The following KAZN variants were observed in gnomAD, a reference collection of about 807,000 sequenced individuals.
The protein encoded by KAZN is kazrin, periplakin interacting protein, also known as kazrin.
In KAZN, 40 loss-of-function variants were observed where a neutral mutation model predicts 87.4. The observed-to-expected ratio is 0.46, with a 90% CI of 0.36 to 0.60. The LOEUF is 0.60. Among genes scored for constraint, KAZN ranks in the 20% least tolerant of loss-of-function variants. KAZN has a pLI of 0.00. For synonymous variants in KAZN, 466 were observed against 458.3 expected (o/e 1.02, Z -0.22); for missense variants, 898 against 1,073.9 (o/e 0.84, Z 2.29).
intron 2 of KAZN, among the ~76,000 whole-genome samples, chr1:14,503,300 C>T (rs887530344): frequency 7.5e-5 from 11 of 147,600 alleles, no homozygotes; most frequent in African/African-American, 2.3e-4. Flanking sequence ...TGGCTAACAA[C>T]GGTGAAACCC....
intron 1 of KAZN, among the ~76,000 whole-genome samples, chr1:14,631,068 C>T (rs938298065): frequency 1.3e-5 from 2 of 152,158 alleles, no homozygotes; most frequent in African/African-American, 4.8e-5. Context: ...GACTCTTAGG[C>T]TGAGAGGTTC....
At chr1:14,893,211 C>A (rs538605641) in intron 1 of KAZN, among the ~76,000 whole-genome samples, 1 of 151,882 alleles carries the variant, frequency 6.6e-6, no homozygotes, top group Non-Finnish European at 1.5e-5. Context: ...ACTAAAAATG[C>A]GAAATGTAGC....
intron 1 of KAZN, among the ~76,000 whole-genome samples, chr1:14,018,718 G>A (rs1640684659): frequency 6.6e-6 from 1 of 152,158 alleles, no homozygotes; most frequent in South Asian, 2.1e-4. Flanking sequence ...CTCTCCTGAA[G>A]CTGTGCTTCT....
At chr1:14,778,408 A>AAAAC (rs1645240804) in intron 1 of KAZN, among the ~76,000 whole-genome samples, 1 of 149,252 alleles carries the variant, frequency 6.7e-6, no homozygotes. Flanking sequence ...AAAAAAAAAA[A>AAAAC]AAAAACCCAC....
At chr1:14,540,883 T>C (rs1177893763) in intron 2 of KAZN, among the ~76,000 whole-genome samples, 1 of 152,178 alleles carries the variant, frequency 6.6e-6, no homozygotes. Flanking sequence ...CATATCTCCA[T>C]AGAGAGAGAT....
intron 1 of KAZN, among the ~76,000 whole-genome samples, chr1:14,605,897 G>T (rs1321935531): frequency 6.6e-6 from 1 of 152,198 alleles, no homozygotes; most frequent in Non-Finnish European, 1.5e-5. Context: ...GATAGTAGCA[G>T]ACTTCAGCAT....
chr1:14,387,669 G>A (rs1347942677), intron 2 of KAZN, among the ~76,000 whole-genome samples: 4 of 152,224 alleles, frequency 2.6e-5, no homozygotes, highest in Admixed American at 6.5e-5. Context: ...CAGTCTGCCC[G>A]TTCTCAGATC....
intron 2 of KAZN, among the ~76,000 whole-genome samples, chr1:14,308,947 C>T (rs996408612): frequency 3.9e-5 from 6 of 152,240 alleles, no homozygotes; most frequent in African/African-American, 1.4e-4. Context: ...ACATGCAGTC[C>T]TCAAAGGGCA....
At chr1:13,927,564 C>T (rs1248238420) in intron 1 of KAZN, among the ~76,000 whole-genome samples, 1 of 152,000 alleles carries the variant, frequency 6.6e-6, no homozygotes, top group Non-Finnish European at 1.5e-5. Flanking sequence ...CCACTTTGGA[C>T]CTATGTTCAA....
intron 2 of KAZN, among the ~76,000 whole-genome samples, chr1:14,962,518 G>A (rs1023183243): frequency 6.6e-6 from 1 of 152,026 alleles, no homozygotes; most frequent in Non-Finnish European, 1.5e-5. Context: ...TCCACGCCCA[G>A]CTTCCCAGGA....
intron 1 of KAZN, among the ~76,000 whole-genome samples, chr1:14,818,665 C>T (rs1427030147): frequency 6.6e-6 from 1 of 152,158 alleles, no homozygotes; most frequent in African/African-American, 2.4e-5. Context: ...CAAATGGAGG[C>T]CAAAACTCAT....
At chr1:14,683,469 A>T (rs1452492974) in intron 1 of KAZN, among the ~76,000 whole-genome samples, 2 of 152,108 alleles carry the variant, frequency 1.3e-5, no homozygotes, top group African/African-American at 2.4e-5. Context: ...TGGACCCTCC[A>T]ATGACCACTC....
At chr1:14,243,244 CCT>C (rs1649142822) in intron 2 of KAZN, among the ~76,000 whole-genome samples, 1 of 152,162 alleles carries the variant, frequency 6.6e-6, no homozygotes, top group African/African-American at 2.4e-5. Flanking sequence ...GCAAATTCGA[CCT>C]CTCTCCTGTC....
intron 1 of KAZN, among the ~76,000 whole-genome samples, chr1:14,170,091 A>C (rs1364154311): frequency 6.6e-6 from 1 of 151,668 alleles, no homozygotes; most frequent in South Asian, 2.1e-4. Context: ...TCTGAACCAC[A>C]TGCCTGCCTC....
At chr1:15,017,565 A>G (rs1029440622) in intron 2 of KAZN, among the ~76,000 whole-genome samples, 5 of 152,164 alleles carry the variant, frequency 3.3e-5, no homozygotes, top group Admixed American at 1.3e-4. Flanking sequence ...GCGCTTTGGA[A>G]GGCTGAGGTG....
chr1:14,893,237 G>A (rs147821379), intron 1 of KAZN, among the ~76,000 whole-genome samples: 129 of 152,140 alleles, frequency 8.5e-4, no homozygotes, highest in Non-Finnish European at 1.5e-3. Context: ...GTGGTGGCTC[G>A]TGCCTGTAAT....
Position 14,430,322 on chromosome 1 carries a change from G to A in KAZN, c.250-168661G>A, listed in dbSNP as rs116514825. On this transcript the variant is annotated intron_variant, in intron 2 of 16. Coordinates refer to the KAZN transcript ENST00000636203. The stretch of plus-strand genomic sequence containing the variant: ...CACATGTTTGCTGTGTGTGTGTTGA[G>A]CCCTGCTAGATGAGAAGTTCCTCCA... 5.1e-3 allele frequency among the ~76,000 whole-genome samples: 778 copies of A among 151,604 alleles called. 9 individuals carry two copies. Among genetic ancestry groups the A allele is most frequent in the African/African-American group, 0.018 (731 of 41,262 alleles).
At chr1:15,033,084 A>G (rs944925903) in intron 2 of KAZN, among the ~76,000 whole-genome samples, 2 of 152,156 alleles carry the variant, frequency 1.3e-5, no homozygotes, top group Admixed American at 6.5e-5. Flanking sequence ...TGGCATTTAT[A>G]TTTTACTAGG....
At chr1:14,495,003 C>T (rs1305366529) in intron 2 of KAZN, among the ~76,000 whole-genome samples, 1 of 152,134 alleles carries the variant, frequency 6.6e-6, no homozygotes, top group Non-Finnish European at 1.5e-5. Flanking sequence ...AACAAAAATT[C>T]ATTTCTCAAA....
Sources: gnomAD v4.1 joint callset for allele counts (sites outside exome capture counted in the v4.1 genomes callset) on GRCh38, gnomAD v4.1.1 for gene constraint, MANE v1.5 for transcripts, NCBI Gene and HGNC (gene_info 2026-07-23, HGNC 2026-07-21) for gene names.